AFF3: variants seen among roughly 807,000 people sequenced by gnomAD.
The protein encoded by AFF3 is AF4/FMR2 family member 3.
AFF3 carries 32 observed loss-of-function variants against 129.7 expected under a neutral mutation model. The observed-to-expected ratio is 0.25, with a 90% CI of 0.19 to 0.33. The LOEUF (loss-of-function observed/expected upper bound fraction) is 0.33, where lower values mean the gene tolerates loss of function less well. Ranked by LOEUF, AFF3 falls within the 10% of genes least tolerant of loss-of-function variation. The pLI, the probability that AFF3 is intolerant of heterozygous loss-of-function variation, is 1.00. For missense variants in AFF3, 1,373 were observed against 1,592.0 expected (o/e 0.86, Z 2.34); for synonymous variants, 644 against 635.4 (o/e 1.01, Z -0.20).
At chr2:99,654,300 A>C (rs1253691502) in intron 12 of AFF3, among the ~76,000 whole-genome samples, 1 of 152,244 alleles carries the variant, frequency 6.6e-6, no homozygotes, top group Non-Finnish European at 1.5e-5. Context: ...TATATGTCAG[A>C]TGTTTTAAAT....
intron 2 of AFF3, chr2:100,106,937 C>G: frequency 1.0e-6 from 1 of 985,386 alleles, no homozygotes; most frequent in Non-Finnish European, 1.2e-6. Flanking sequence ...AGGCCTCTCC[C>G]AAAAAGCCAT....
At chr2:99,932,941 T>A (rs1674174635) in intron 7 of AFF3, among the ~76,000 whole-genome samples, 1 of 152,224 alleles carries the variant, frequency 6.6e-6, no homozygotes, top group Non-Finnish European at 1.5e-5. Context: ...AATATGTTTT[T>A]TTAATTGATG....
At chr2:99,662,596 C>A (rs563259158) in intron 12 of AFF3, among the ~76,000 whole-genome samples, 5 of 152,320 alleles carry the variant, frequency 3.3e-5, no homozygotes, top group East Asian at 3.9e-4. Context: ...CAGCATCTTA[C>A]ATGATGTTTG....
At chr2:99,640,748 G>A (rs1286598291) in intron 13 of AFF3, among the ~76,000 whole-genome samples, 4 of 152,116 alleles carry the variant, frequency 2.6e-5, no homozygotes, top group African/African-American at 7.2e-5. Flanking sequence ...ACTACTAATA[G>A]TCAAGATGTG....
Position 99,771,413 on chromosome 2 carries a change from G to GA in AFF3, c.922-19113dup, listed in dbSNP as rs11324032. On this transcript the variant is annotated intron_variant, in intron 8 of 24. Transcript: ENST00000672756. ...ATCCCAGAACTTAAAAAATGAAGAA[G>GA]AAAAAAAAAAAAAAACCAGAGCAAT... Among the ~76,000 whole-genome samples, 210 of 142,180 alleles carry GA rather than the reference G, an allele frequency of 1.5e-3. 1 individual carries two copies. Among genetic ancestry groups the GA allele is most frequent in the African/African-American group, 4.7e-3 (182 of 38,590 alleles). The allele number at this position is 142,180 out of a possible 152,430, so 93.3% of individuals were successfully genotyped here.
At chr2:99,872,779 T>G (rs568221452) in intron 7 of AFF3, among the ~76,000 whole-genome samples, 91 of 152,282 alleles carry the variant, frequency 6.0e-4, no homozygotes, top group African/African-American at 2.2e-3. Flanking sequence ...TCGTTCATTA[T>G]ACGACATTTA....
chr2:99,638,944 T>C (rs1392588729), intron 13 of AFF3, among the ~76,000 whole-genome samples: 1 of 152,202 alleles, frequency 6.6e-6, no homozygotes, highest in African/African-American at 2.4e-5. Flanking sequence ...CCCATGTGTT[T>C]CTGCAGGCTC....
intron 7 of AFF3, among the ~76,000 whole-genome samples, chr2:99,877,962 A>G (rs146788275): frequency 2.0e-5 from 3 of 152,346 alleles, no homozygotes; most frequent in Non-Finnish European, 4.4e-5. Context: ...ATCAAATCAA[A>G]TCACTCTATT....
intron 4 of AFF3, among the ~76,000 whole-genome samples, chr2:100,075,683 GTATTT>G (rs1688530573): frequency 6.6e-6 from 1 of 152,134 alleles, no homozygotes. Context: ...CTCAAATTCT[GTATTT>G]TATGTTTCCA....
chr2:99,587,282 T>C lies in AFF3; in HGVS notation c.2467-4A>G, dbSNP rs1276770794. 6 of 1,613,958 alleles carry C rather than the reference T, an allele frequency of 3.7e-6. No individual in the cohort carries two copies. The highest frequency in any genetic ancestry group is 4.5e-5 in the East Asian group (2 of 44,874). On this transcript the variant is annotated splice_region_variant and splice_polypyrimidine_tract_variant and intron_variant, in intron 15 of 24. Coordinates refer to ENST00000672756, the MANE Select transcript of AFF3 (RefSeq NM_001386135.1). ...TGTAGTCGTCTTCGTTGTCACACTG[T>C]ATGGGAATAAACTAAAGTCAATCAG...
At chr2:99,972,796 A>C (rs1225956746) in intron 7 of AFF3, among the ~76,000 whole-genome samples, 2 of 152,228 alleles carry the variant, frequency 1.3e-5, no homozygotes, top group African/African-American at 4.8e-5. Flanking sequence ...AGGAAGGAAC[A>C]GGAAGGAGGC....
chr2:100,084,298 C>A (rs560595508), intron 4 of AFF3, among the ~76,000 whole-genome samples: 1 of 152,344 alleles, frequency 6.6e-6, no homozygotes, highest in East Asian at 1.9e-4. Context: ...CTTAACTGTA[C>A]TAAACACTTT....
chr2:99,891,520 AG>A (rs1462217691), intron 7 of AFF3, among the ~76,000 whole-genome samples: 1 of 152,212 alleles, frequency 6.6e-6, no homozygotes, highest in African/African-American at 2.4e-5. Flanking sequence ...CCAGCCCGGC[AG>A]GATGCTGAAG....
intron 7 of AFF3, among the ~76,000 whole-genome samples, chr2:99,893,518 G>C (rs1693723808): frequency 6.6e-6 from 1 of 152,198 alleles, no homozygotes; most frequent in Non-Finnish European, 1.5e-5. Context: ...CTTGTAAGAA[G>C]AGACATCAGA....
intron 7 of AFF3, among the ~76,000 whole-genome samples, chr2:99,975,071 G>A (rs1388965005): frequency 1.3e-5 from 2 of 152,016 alleles, no homozygotes; most frequent in African/African-American, 4.8e-5. Flanking sequence ...CATCCTAGAA[G>A]CCTGCTGAAC....
intron 7 of AFF3, among the ~76,000 whole-genome samples, chr2:99,858,489 T>C (rs1483434441): frequency 1.3e-5 from 2 of 151,670 alleles, no homozygotes; most frequent in Non-Finnish European, 2.9e-5. Flanking sequence ...AGGTCGAGGC[T>C]GCAGTGAGCC....
At position 99,612,568 on chromosome 2, in the gene AFF3, C is replaced by T. The variant is rs76760007; in HGVS notation, c.1185-10947G>A. Among the ~76,000 whole-genome samples, 339 of 152,336 alleles carry T rather than the reference C, an allele frequency of 2.2e-3. 6 individuals carry two copies. Among genetic ancestry groups the T allele is most frequent in the East Asian group, 1.9e-3 (10 of 5,192 alleles). On this transcript the variant is annotated intron_variant, in intron 13 of 24. Coordinates refer to ENST00000672756, the MANE Select transcript of AFF3 (RefSeq NM_001386135.1). The stretch of plus-strand genomic sequence containing the variant: ...TTATGTTCATAGTGAAACATTCTCT[C>T]AGTATATCTGTGAGGTAATGGGCTT...
chr2:99,683,842 A>G (rs997051618), intron 11 of AFF3, among the ~76,000 whole-genome samples: 2 of 152,228 alleles, frequency 1.3e-5, no homozygotes, highest in Non-Finnish European at 2.9e-5. Flanking sequence ...CTCACTGCTT[A>G]TTGGGAGCAG....
intron 4 of AFF3, among the ~76,000 whole-genome samples, chr2:100,028,009 C>G (rs1456339314): frequency 6.6e-6 from 1 of 152,104 alleles, no homozygotes; most frequent in Non-Finnish European, 1.5e-5. Flanking sequence ...ACATTAAATT[C>G]ACAAAAGAAT....
Sources: allele counts gnomAD v4.1 joint callset (sites outside exome capture counted in the v4.1 genomes callset), GRCh38; gene constraint gnomAD v4.1.1; transcripts MANE v1.5; gene names NCBI Gene and HGNC (gene_info 2026-07-23, HGNC 2026-07-21).